SEC24D: variants seen among roughly 807,000 people sequenced by gnomAD.
SEC24D encodes the protein protein transport protein Sec24D.
A neutral mutation model predicts 116.9 loss-of-function variants in SEC24D; 69 were observed. The observed-to-expected ratio is 0.59, with a 90% confidence interval of 0.49 to 0.72. The LOEUF (loss-of-function observed/expected upper bound fraction) is 0.72, where lower values mean the gene tolerates loss of function less well. Among genes scored for constraint, SEC24D ranks in the 30% least tolerant of loss-of-function variants. The probability of loss-of-function intolerance (pLI) is 0.00; values close to 1 mark genes in which losing one functional copy is unlikely to be tolerated. For synonymous variants in SEC24D, 405 were observed against 442.8 expected, an observed-to-expected ratio of 0.91 and a Z score of 1.07; for missense variants, 1,131 against 1,264.1, an observed-to-expected ratio of 0.89 and a Z score of 1.60.
At chr4:118,739,070 A>C (rs1726103187) in intron 18 of SEC24D, 79 bp downstream of exon 18, 2 of 1,442,528 alleles carry the variant, frequency 1.4e-6, no homozygotes, top group Non-Finnish European at 1.9e-6. Flanking sequence ...GCAAAACTAC[A>C]GTGCTTTTTA....
At chr4:118,743,967 G>A in intron 15 of SEC24D, 21 bp downstream of exon 15, 1 of 1,584,926 alleles carries the variant, frequency 6.3e-7, no homozygotes. Context: ...AGACCAAGGT[G>A]AACAAATTGC....
chr4:118,797,623 G>A, intron 8 of SEC24D, 60 bp downstream of exon 8: 3 of 1,317,034 alleles, frequency 2.3e-6, no homozygotes, highest in South Asian at 3.5e-5. Flanking sequence ...AGAAAATTGT[G>A]AGAAAATGGT....
intron 2 of SEC24D, chr4:118,833,354 T>C: frequency 2.6e-6 from 1 of 381,050 alleles, no homozygotes; most frequent in Non-Finnish European, 4.7e-6. Flanking sequence ...ACAGGAAGTG[T>C]TTGTTTTAGT....
At chr4:118,758,193 T>A (rs1032313642) in intron 10 of SEC24D, among the ~76,000 whole-genome samples, 2 of 152,168 alleles carry the variant, frequency 1.3e-5, no homozygotes, top group African/African-American at 4.8e-5. Flanking sequence ...CACTCTGCCT[T>A]ACAGGTCGAA....
Position 118,824,756 on chromosome 4 carries a change from G to A in SEC24D, c.119-7C>T. 4 of 1,575,264 alleles carry A rather than the reference G, an allele frequency of 2.5e-6. No individual in the cohort carries two copies. The highest frequency in any genetic ancestry group is 3.4e-6 in the Non-Finnish European group (4 of 1,166,284). ...CCTGCTGGCTTCATCATACCTGCAA[G>A]AGAGGGGCATGAATTTAGAAGTGTA... On this transcript the variant is annotated splice_polypyrimidine_tract_variant and splice_region_variant and intron_variant, in intron 2 of 22. Transcript: ENST00000280551.
At chr4:118,827,388 T>C (rs1373552108) in intron 2 of SEC24D, among the ~76,000 whole-genome samples, 1 of 152,106 alleles carries the variant, frequency 6.6e-6, no homozygotes, top group East Asian at 1.9e-4. Flanking sequence ...TATGAGAATT[T>C]TAATAGGAAA....
At position 118,829,565 on chromosome 4, in the gene SEC24D, C is replaced by T. The variant is rs542453117; in HGVS notation, c.118+4014G>A. On this transcript the variant is annotated intron_variant, in intron 2 of 22. Transcript: ENST00000280551. ...CGGTGGCTCATGCCTATAATCCCAGCACTTTGAGAGGCCGAGGCGGGTGGA... is the reference window on the plus strand; with the variant it reads ...CGGTGGCTCATGCCTATAATCCCAGTACTTTGAGAGGCCGAGGCGGGTGGA... Among the ~76,000 whole-genome samples, 28 of 152,286 alleles carry T rather than the reference C, an allele frequency of 1.8e-4. No homozygotes were observed. In the South Asian group the frequency reaches 5.8e-3, roughly 32 times the overall value.
intron 1 of SEC24D, among the ~76,000 whole-genome samples, chr4:118,833,988 C>T (rs1297888950): frequency 6.6e-6 from 1 of 152,162 alleles, no homozygotes; most frequent in East Asian, 1.9e-4. Flanking sequence ...TGAATAATAA[C>T]TCGCAACCAC....
At position 118,733,074 on chromosome 4, in the gene SEC24D, C is replaced by T. The variant is rs1578377508; in HGVS notation, c.2497-162G>A. On this transcript the variant is annotated intron_variant, in intron 19 of 22. Transcript: ENST00000280551. ...CACCTAGAGCACACAGTAACTGGCA[C>T]AGAGTAGGCATTCAAAGAGCAGCAG... The T allele has an allele frequency of 2.4e-5, 14 of 593,742 alleles. No individual in the cohort carries two copies. In the East Asian group the frequency reaches 4.1e-4, roughly 17 times the overall value. The allele number at this position is 593,742 out of a possible 1,614,324, so 36.8% of individuals were successfully genotyped here.
intron 22 of SEC24D, among the ~76,000 whole-genome samples, chr4:118,724,345 C>A (rs1221354073): frequency 1.3e-5 from 2 of 152,036 alleles, no homozygotes; most frequent in Non-Finnish European, 2.9e-5. Context: ...CTGTCCAGTA[C>A]AACAGCCAGA....
chr4:118,750,082 A>AT (rs1325007787), intron 13 of SEC24D, among the ~76,000 whole-genome samples: 4 of 152,256 alleles, frequency 2.6e-5, no homozygotes, highest in African/African-American at 9.6e-5. Context: ...AATTGCAAAT[A>AT]TAACAAAAAA....
intron 22 of SEC24D, among the ~76,000 whole-genome samples, chr4:118,726,088 C>T (rs1725394921): frequency 6.6e-6 from 1 of 152,214 alleles, no homozygotes; most frequent in East Asian, 1.9e-4. Context: ...ATGTGACATT[C>T]TCTGGGTCAC....
At chr4:118,780,908 T>A (rs371924492) in intron 8 of SEC24D, among the ~76,000 whole-genome samples, 19,203 of 70,186 alleles carry the variant, frequency 0.27, 1,518 homozygotes, top group Non-Finnish European at 0.34. Flanking sequence ...CAACCCCTGC[T>A]TTTTTTTTTT....
chr4:118,803,645 C>A (rs1372535303), intron 7 of SEC24D, among the ~76,000 whole-genome samples: 1 of 152,140 alleles, frequency 6.6e-6, no homozygotes, highest in African/African-American at 2.4e-5. Context: ...AGAGCTGTGT[C>A]TTTTATTTCT....
intron 8 of SEC24D, among the ~76,000 whole-genome samples, chr4:118,776,998 T>C (rs531599393): frequency 3.3e-5 from 5 of 152,328 alleles, no homozygotes; most frequent in Admixed American, 2.6e-4. Flanking sequence ...TTTGTCTCTC[T>C]GGCAGAATTA....
intron 8 of SEC24D, among the ~76,000 whole-genome samples, chr4:118,788,409 G>A (rs879471905): frequency 3.9e-5 from 6 of 152,144 alleles, no homozygotes; most frequent in Admixed American, 6.5e-5. Context: ...ATTATTTCCC[G>A]GCTCCTAATC....
chr4:118,790,030 C>T (rs1032197265), intron 8 of SEC24D, among the ~76,000 whole-genome samples: 1 of 152,144 alleles, frequency 6.6e-6, no homozygotes, highest in African/African-American at 2.4e-5. Flanking sequence ...TAGCTGCATT[C>T]GTGAAAAATT....
intron 21 of SEC24D, chr4:118,730,903 C>G (rs1419741328): frequency 4.2e-6 from 1 of 238,450 alleles, no homozygotes; most frequent in Non-Finnish European, 8.3e-6. Flanking sequence ...AGCATAAGAA[C>G]TGAATTCAGT....
chr4:118,751,492 T>A (rs539538017), intron 13 of SEC24D, among the ~76,000 whole-genome samples: 1 of 152,276 alleles, frequency 6.6e-6, no homozygotes, highest in African/African-American at 2.4e-5. Context: ...TTACGGCTTC[T>A]TCAGTTTACT....
Sources: gnomAD v4.1 joint callset for allele counts (sites outside exome capture counted in the v4.1 genomes callset) on GRCh38, gnomAD v4.1.1 for gene constraint, MANE v1.5 for transcripts, NCBI Gene and HGNC (gene_info 2026-07-23, HGNC 2026-07-21) for gene names.